Variants in SBNO1 observed in about 807,000 individuals in gnomAD.
SBNO1 encodes strawberry notch homolog 1.
SBNO1 carries 23 observed loss-of-function variants against 173.6 expected under a neutral mutation model. The ratio of observed to expected loss-of-function variants is 0.13; its 90% CI spans 0.10 to 0.19. SBNO1 has a LOEUF of 0.19. Among genes scored for constraint, SBNO1 ranks in the 10% least tolerant of loss-of-function variants. The pLI is 1.00. For missense variants in SBNO1, 1,238 were observed against 1,671.2 expected (o/e 0.74, Z 4.52); for synonymous variants, 632 against 571.5 (o/e 1.11, Z -1.51).
intron 7 of SBNO1, among the ~76,000 whole-genome samples, chr12:123,332,043 GT>G: frequency 6.6e-6 from 1 of 150,850 alleles, no homozygotes; most frequent in African/African-American, 2.4e-5. Flanking sequence ...AGTAGACAGG[GT>G]TTCACCACGT....
intron 30 of SBNO1, 109 bp from the exon 31 acceptor site, chr12:123,298,280 TG>T: frequency 4.4e-6 from 5 of 1,142,640 alleles, no homozygotes; most frequent in East Asian, 2.7e-5. Context: ...CTTTTTTTTT[TG>T]TTGAGATGGA....
chr12:123,310,882 T>C (rs551590826), intron 25 of SBNO1, among the ~76,000 whole-genome samples, 173 bp downstream of exon 25: 1 of 152,296 alleles, frequency 6.6e-6, no homozygotes, highest in Non-Finnish European at 1.5e-5. Flanking sequence ...CAGCAGCCAG[T>C]GCTGAAAACT....
At position 123,309,527 on chromosome 12, in the gene SBNO1, G is replaced by T. The variant is rs2049004183; in HGVS notation, c.3499C>A (p.Pro1167Thr). The T allele has an allele frequency of 6.2e-7, 1 of 1,613,854 alleles. No homozygotes were observed. Among genetic ancestry groups the T allele is most frequent in the Non-Finnish European group, 8.5e-7 (1 of 1,179,894 alleles). ...RKSDVKKFLT[P>T]GYSTSGHVEL... ...ACGTGGCCAGAGGTTGAATATCCTG[G>T]AGTCAGAAACTTTTTAACATCACTT... is the stretch of plus-strand genomic sequence containing the variant. Residue 1167 changes from proline to threonine, a missense_variant, in exon 27 of 32, where the codon CCA (proline) becomes ACA (threonine). By Grantham distance (38) the Pro-to-Thr change is conservative (BLOSUM62 -1). Transcript: ENST00000602398.
At chr12:123,315,325 A>G in intron 23 of SBNO1, 48 bp downstream of exon 23, 1 of 1,409,576 alleles carries the variant, frequency 7.1e-7, no homozygotes, top group East Asian at 2.3e-5. Context: ...CCCGAAAGAC[A>G]CCATACACTA....
intron 4 of SBNO1, among the ~76,000 whole-genome samples, chr12:123,342,024 G>A (rs1566047660): frequency 1.3e-5 from 2 of 151,554 alleles, no homozygotes. Context: ...AATAAACAAG[G>A]CCGGCGCAGT....
intron 30 of SBNO1, among the ~76,000 whole-genome samples, chr12:123,301,427 G>A (rs1416849024): frequency 1.3e-5 from 2 of 152,070 alleles, no homozygotes; most frequent in Admixed American, 6.6e-5. Flanking sequence ...CTGCAGAACA[G>A]CCCAAACAAT....
chr12:123,302,776 T>A (rs1033086963), intron 30 of SBNO1, 48 bp downstream of exon 30: 2 of 1,177,896 alleles, frequency 1.7e-6, no homozygotes, highest in East Asian at 4.7e-5. Context: ...TGTATTTAAA[T>A]CTCAATTAAA....
intron 1 of SBNO1, among the ~76,000 whole-genome samples, chr12:123,358,241 T>C (rs1374541039): frequency 6.6e-6 from 1 of 152,246 alleles, no homozygotes; most frequent in African/African-American, 2.4e-5. Flanking sequence ...TTTTGGACTG[T>C]GATCACTCAC....
intron 6 of SBNO1, among the ~76,000 whole-genome samples, 190 bp downstream of exon 6, chr12:123,336,205 C>T (rs1254864795): frequency 6.6e-6 from 1 of 151,928 alleles, no homozygotes; most frequent in East Asian, 1.9e-4. Flanking sequence ...TTACAATTAC[C>T]TTTGATTTTT....
Position 123,331,280 on chromosome 12 carries a change from G to C in SBNO1, c.1005C>G (p.Ile335Met), listed in dbSNP as rs763217744. 1.2e-6 allele frequency: 2 copies of C among 1,614,018 alleles called. No individual in the cohort carries two copies. Among genetic ancestry groups the C allele is most frequent in the South Asian group, 1.1e-5 (1 of 91,068 alleles). Residue 335 changes from isoleucine (I) to methionine (M), a missense_variant, in exon 8 of 32, where the codon ATC becomes ATG. By Grantham distance (10) the Ile-to-Met change is conservative (BLOSUM62 1). Around this residue, in one of 14 missense-constraint regions of SBNO1, gnomAD observed 56 missense variants for 65.1 expected, o/e 0.86. Coordinates refer to ENST00000602398, the MANE Select transcript of SBNO1 (RefSeq NM_001167856.3). ...VGKGRTIAGIIYENYLLSRKR... is the reference protein window; with the variant it reads ...VGKGRTIAGIMYENYLLSRKR... Reference sequence around the variant, plus strand: ...TTCTACTCAACAAATAATTTTCATAGATGATTCCTGCTATCGTCCTTCCTT... The same window carrying C: ...TTCTACTCAACAAATAATTTTCATACATGATTCCTGCTATCGTCCTTCCTT...
intron 31 of SBNO1, among the ~76,000 whole-genome samples, chr12:123,297,478 A>G (rs996258559): frequency 1.4e-5 from 2 of 147,104 alleles, no homozygotes; most frequent in African/African-American, 4.9e-5. Flanking sequence ...TGGTAGAGGA[A>G]GGCTGCTGTA....
rs12312675 is a variant in SBNO1, at chr12:123,325,915, T to C, written c.1875+237A>G. ...AACCTTAACGCAATACACATCCATA[T>C]GTTACCAGTGCTACCAGCTATGGAT... is the stretch of plus-strand genomic sequence containing the variant. On this transcript the variant is annotated intron_variant, in intron 14 of 31. Coordinates refer to ENST00000602398, the MANE Select transcript of SBNO1 (RefSeq NM_001167856.3). Among the ~76,000 whole-genome samples, 4,082 of 152,308 alleles carry C rather than the reference T, an allele frequency of 0.027. 89 individuals carry two copies. The highest frequency in any genetic ancestry group is 0.053 in the South Asian group (256 of 4,834).
At chr12:123,313,418 G>A (rs1868867938) in intron 24 of SBNO1, among the ~76,000 whole-genome samples, 1 of 151,828 alleles carries the variant, frequency 6.6e-6, no homozygotes, top group African/African-American at 2.4e-5. Context: ...TCAACAGTAA[G>A]AGCACTTTCA....
chr12:123,342,279 A>AT (rs1262885907), intron 4 of SBNO1, among the ~76,000 whole-genome samples: 17 of 151,656 alleles, frequency 1.1e-4, no homozygotes, highest in African/African-American at 3.4e-4. Flanking sequence ...ATTAATTAAA[A>AT]TTTAAAAAAA....
At chr12:123,304,481 C>A (rs1219896998) in intron 29 of SBNO1, 101 bp downstream of exon 29, 4 of 861,998 alleles carry the variant, frequency 4.6e-6, no homozygotes, top group Non-Finnish European at 7.4e-6. Context: ...GGTGATCTGC[C>A]CACCTCGGCC....
chr12:123,328,558 CCTAT>C (rs1037783183), intron 10 of SBNO1, among the ~76,000 whole-genome samples, 172 bp downstream of exon 10: 4 of 152,242 alleles, frequency 2.6e-5, no homozygotes, highest in East Asian at 1.9e-4. Flanking sequence ...ACATTGGTCT[CCTAT>C]CTGACAGGTA....
At chr12:123,335,593 T>C (rs529145984) in intron 6 of SBNO1, among the ~76,000 whole-genome samples, 9 of 152,376 alleles carry the variant, frequency 5.9e-5, no homozygotes, top group East Asian at 3.9e-4. Flanking sequence ...AGAATGATTT[T>C]GCCGTTTTAG....
chr12:123,320,071 A>C, intron 19 of SBNO1, 40 bp from the exon 20 acceptor site: 1 of 1,611,520 alleles, frequency 6.2e-7, no homozygotes, highest in Non-Finnish European at 8.5e-7. Context: ...AAGGTATCTG[A>C]CTGCGGTGGA....
rs760018934 is a variant in SBNO1 at position 123,304,781 on chromosome 12, G to C, written c.3631-62C>G. 15 of 1,083,578 alleles carry C rather than the reference G, an allele frequency of 1.4e-5. No homozygotes were observed. The South Asian group carries it at 2.0e-4, about 14-fold the overall frequency. 67.1% of individuals were successfully genotyped at this position (1,083,578 alleles called of 1,614,324 possible). Reference sequence around the variant, plus strand: ...AATACACACTTTAAGACATGTTTCTGTACCATCACGTCAGCAAACATAATC... The same window carrying C: ...AATACACACTTTAAGACATGTTTCTCTACCATCACGTCAGCAAACATAATC... On this transcript the variant is annotated intron_variant, in intron 28 of 31. Transcript: ENST00000602398.
Sources: allele counts gnomAD v4.1 joint callset (sites outside exome capture counted in the v4.1 genomes callset), GRCh38; gene constraint gnomAD v4.1.1; regional missense constraint gnomAD v4.1.1; transcripts MANE v1.5; gene names NCBI Gene and HGNC (gene_info 2026-07-23, HGNC 2026-07-21).